Variants in RNF150 observed in about 807,000 individuals in gnomAD.
RNF150 encodes the protein ring finger protein 150.
RNF150 carries 24 observed loss-of-function variants against 39.3 expected under a neutral mutation model. The ratio of observed to expected loss-of-function variants is 0.61; its 90% CI spans 0.44 to 0.86. The LOEUF is 0.86. Ranked by LOEUF, RNF150 falls within the 40% of genes least tolerant of loss-of-function variation. RNF150 has a pLI of 0.00. For synonymous variants in RNF150, 255 were observed against 227.3 expected (o/e 1.12, Z -1.10); for missense variants, 502 against 587.8 (o/e 0.85, Z 1.51).
In RNF150 at chr4:140,889,764, C is replaced by G. The variant is rs117476431; in HGVS notation, c.1198+21380G>C. On this transcript the variant is annotated intron_variant, in intron 6 of 6. Transcript: ENST00000515673. ...CTAATTAATAGTCCCTGGTCATTCT[C>G]TAACTCCTTACTTGGCCTCATTTTC... 2.5e-4 allele frequency among the ~76,000 whole-genome samples: 38 copies of G among 152,302 alleles called. 1 individual carries two copies. The East Asian group carries it at 7.3e-3, about 29-fold the overall frequency.
rs1728648995 is a variant in RNF150, at chr4:140,865,123, T to C, written c.*3138A>G. On this transcript the variant is annotated 3_prime_UTR_variant, in exon 7 of 7. Transcript: ENST00000515673. ...TGTGACTATCCAAATTGAGAGGTGCTGTGAGTGTAAAAGACACAATGGATT... is the reference window on the plus strand; with the variant it reads ...TGTGACTATCCAAATTGAGAGGTGCCGTGAGTGTAAAAGACACAATGGATT... 1 of 152,190 alleles carries C rather than the reference T, an allele frequency of 6.6e-6. No homozygotes were observed. The highest frequency in any genetic ancestry group is 2.4e-5 in the African/African-American group (1 of 41,444). 9.4% of individuals were successfully genotyped at this position (152,190 alleles called of 1,614,324 possible).
chr4:141,208,761 G>T (rs1728416517), intron 1 of RNF150, among the ~76,000 whole-genome samples: 1 of 152,082 alleles, frequency 6.6e-6, no homozygotes, highest in African/African-American at 2.4e-5. Flanking sequence ...TAACAAGTTT[G>T]CCTGCCACTG....
At chr4:141,121,544 C>A (rs897060420) in intron 1 of RNF150, among the ~76,000 whole-genome samples, 5 of 152,068 alleles carry the variant, frequency 3.3e-5, no homozygotes, top group African/African-American at 1.2e-4. Context: ...GAAATTTCAC[C>A]CAATCAAATT....
chr4:141,007,795 C>T (rs1196569675), intron 1 of RNF150, among the ~76,000 whole-genome samples: 1 of 152,178 alleles, frequency 6.6e-6, no homozygotes, highest in African/African-American at 2.4e-5. Flanking sequence ...GAGCGAATGT[C>T]CCACAGGTGC....
At chr4:141,070,890 C>T (rs1737669233) in intron 1 of RNF150, among the ~76,000 whole-genome samples, 1 of 147,986 alleles carries the variant, frequency 6.8e-6, no homozygotes, top group African/African-American at 2.5e-5. Flanking sequence ...GGGTATATAC[C>T]CAAATGACTA....
intron 1 of RNF150, among the ~76,000 whole-genome samples, chr4:141,143,654 G>T (rs1727157198): frequency 6.6e-6 from 1 of 152,132 alleles, no homozygotes; most frequent in Non-Finnish European, 1.5e-5. Context: ...GCCTTTTCCG[G>T]TCTGCCCCTG....
intron 1 of RNF150, among the ~76,000 whole-genome samples, chr4:140,975,126 T>C (rs776804831): frequency 3.3e-5 from 5 of 152,052 alleles, no homozygotes; most frequent in Non-Finnish European, 7.4e-5. Context: ...TGTGGTGGCA[T>C]GCTCCTGTAG....
chr4:140,961,867 G>T (rs747833230), intron 2 of RNF150, among the ~76,000 whole-genome samples: 8 of 151,998 alleles, frequency 5.3e-5, no homozygotes, highest in Non-Finnish European at 1.2e-4. Context: ...CTCACAGTAT[G>T]CATGTGTCTA....
intron 1 of RNF150, among the ~76,000 whole-genome samples, chr4:141,143,703 C>T (rs764977906): frequency 5.9e-5 from 9 of 152,156 alleles, no homozygotes; most frequent in Non-Finnish European, 5.9e-5. Context: ...ATGACCTCAG[C>T]CACACTGGTT....
intron 6 of RNF150, among the ~76,000 whole-genome samples, chr4:140,875,169 T>G (rs942308400): frequency 6.6e-6 from 1 of 150,488 alleles, no homozygotes; most frequent in Non-Finnish European, 1.5e-5. Context: ...TTACGTTTTT[T>G]TTTTTTTTTT....
At chr4:140,987,035 C>A (rs1254015295) in intron 1 of RNF150, among the ~76,000 whole-genome samples, 4 of 151,732 alleles carry the variant, frequency 2.6e-5, no homozygotes, top group African/African-American at 7.3e-5. Context: ...GCCACATAGA[C>A]AAAAATATCT....
At chr4:141,186,953 C>T (rs115843036) in intron 1 of RNF150, among the ~76,000 whole-genome samples, 1,720 of 152,156 alleles carry the variant, frequency 0.011, 38 homozygotes, top group African/African-American at 0.038. Context: ...GTTAGGGTGT[C>T]GATTATAGAT....
intron 1 of RNF150, among the ~76,000 whole-genome samples, chr4:141,130,209 T>G (rs1726855163): frequency 6.6e-6 from 1 of 152,184 alleles, no homozygotes; most frequent in Admixed American, 6.5e-5. Context: ...TTTCAGAGTA[T>G]AGTCAAGGGT....
At chr4:141,208,102 G>A (rs112887782) in intron 1 of RNF150, among the ~76,000 whole-genome samples, 1,622 of 152,326 alleles carry the variant, frequency 0.011, 31 homozygotes, top group African/African-American at 0.037. Flanking sequence ...CAGAATGTCC[G>A]GAAGCCACTG....
At chr4:141,156,596 T>C (rs906266032) in intron 1 of RNF150, among the ~76,000 whole-genome samples, 15 of 151,932 alleles carry the variant, frequency 9.9e-5, no homozygotes, top group African/African-American at 3.6e-4. Context: ...TATATTTAAT[T>C]AAAAATATTT....
At chr4:140,995,825 G>A (rs1242208583) in intron 1 of RNF150, among the ~76,000 whole-genome samples, 2 of 152,074 alleles carry the variant, frequency 1.3e-5, no homozygotes, top group South Asian at 2.1e-4. Flanking sequence ...TTTTATGGCT[G>A]AATAGTACTC....
chr4:141,107,546 A>G (rs2111051764), intron 1 of RNF150, among the ~76,000 whole-genome samples: 1 of 152,322 alleles, frequency 6.6e-6, no homozygotes, highest in Non-Finnish European at 1.5e-5. Context: ...ACAAGGTAGC[A>G]CAATGCCTGA....
chr4:141,114,668 C>G (rs561724425), intron 1 of RNF150, among the ~76,000 whole-genome samples: 1 of 152,082 alleles, frequency 6.6e-6, no homozygotes, highest in East Asian at 1.9e-4. Flanking sequence ...ATCCTGATAT[C>G]GAAACCTGGC....
At chr4:140,924,879 G>A (rs1490329040) in intron 5 of RNF150, among the ~76,000 whole-genome samples, 1 of 152,170 alleles carries the variant, frequency 6.6e-6, no homozygotes, top group Non-Finnish European at 1.5e-5. Context: ...AGCTGGCACA[G>A]GGTAGAAAGT....
Sources: allele counts gnomAD v4.1 joint callset (sites outside exome capture counted in the v4.1 genomes callset), GRCh38; gene constraint gnomAD v4.1.1; transcripts MANE v1.5; gene names NCBI Gene and HGNC (gene_info 2026-07-23, HGNC 2026-07-21).